Variants in MIPOL1 observed in about 807,000 individuals in gnomAD.
MIPOL1 encodes mirror-image polydactyly 1, also known as mirror-image polydactyly gene 1 protein.
A neutral mutation model predicts 60.9 loss-of-function variants in MIPOL1; 57 were observed. The observed-to-expected ratio is 0.94, with a 90% CI of 0.76 to 1.17. The LOEUF (loss-of-function observed/expected upper bound fraction) is 1.17, where lower values mean the gene tolerates loss of function less well. Ranked by LOEUF, MIPOL1 falls within the 50% of genes most tolerant of loss-of-function variation. MIPOL1 has a pLI of 0.00. For missense variants in MIPOL1, 551 were observed against 511.6 expected, an observed-to-expected ratio of 1.08 and a Z score of -0.74; for synonymous variants, 179 against 168.8, an observed-to-expected ratio of 1.06 and a Z score of -0.47.
chr14:37,271,039 A>G (rs753245400), intron 6 of MIPOL1, among the ~76,000 whole-genome samples: 18 of 152,236 alleles, frequency 1.2e-4, no homozygotes, highest in Non-Finnish European at 2.6e-4. Flanking sequence ...TTTCCCTGAG[A>G]TTAAAGTGAA....
chr14:37,285,345 A>C lies in MIPOL1; in HGVS notation c.521A>C (p.Gln174Pro). ...CTGGTTGAAGAAGTGTATTTTGCGC[A>C]GAAGGAACGTGATGAAGCTGTTATG... is the stretch of plus-strand genomic sequence containing the variant. ...AALVEEVYFA[Q>P]KERDEAVMSR... Residue 174 changes from glutamine (Q) to proline (P), a missense_variant, in exon 7 of 13, where the codon CAG becomes CCG. Transcript: ENST00000684589. 6.2e-7 allele frequency: 1 copy of C among 1,614,076 alleles called. No homozygotes were observed. Among genetic ancestry groups the C allele is most frequent in the Non-Finnish European group, 8.5e-7 (1 of 1,179,986 alleles).
chr14:37,542,197 C>G (rs919493183), intron 12 of MIPOL1, among the ~76,000 whole-genome samples: 9 of 152,334 alleles, frequency 5.9e-5, no homozygotes, highest in Admixed American at 5.9e-4. Context: ...TGATCACTCA[C>G]TTCTTGGAGT....
At chr14:37,198,901 G>T (rs571309794) in intron 1 of MIPOL1, among the ~76,000 whole-genome samples, 1 of 152,236 alleles carries the variant, frequency 6.6e-6, no homozygotes, top group African/African-American at 2.4e-5. Flanking sequence ...TTTTCCTTGT[G>T]ATCTGGTATG....
intron 9 of MIPOL1, among the ~76,000 whole-genome samples, chr14:37,344,807 A>G (rs2153465052): frequency 6.6e-6 from 1 of 152,250 alleles, no homozygotes; most frequent in South Asian, 2.1e-4. Flanking sequence ...AGGCAGGAAG[A>G]CTGCTTGAGG....
At chr14:37,294,469 A>T in intron 7 of MIPOL1, among the ~76,000 whole-genome samples, 1 of 152,186 alleles carries the variant, frequency 6.6e-6, no homozygotes, top group Non-Finnish European at 1.5e-5. Flanking sequence ...GAATGACTTG[A>T]CGAATTGAGA....
intron 11 of MIPOL1, among the ~76,000 whole-genome samples, chr14:37,476,895 C>CTTTTTTT (rs869027204): frequency 1.5e-4 from 13 of 87,338 alleles, no homozygotes; most frequent in Non-Finnish European, 2.1e-4. Flanking sequence ...CTTGTAATGT[C>CTTTTTTT]TTTTTTTTTT....
chr14:37,225,119 G>T (rs563649643), intron 1 of MIPOL1, among the ~76,000 whole-genome samples: 118 of 152,288 alleles, frequency 7.7e-4, no homozygotes, highest in African/African-American at 1.6e-3. Context: ...TTGTGTTCTT[G>T]CAGGGTACAG....
rs1353473105 is a variant in MIPOL1, at chr14:37,521,086, G to A, written c.1262+20948G>A. 2.6e-5 allele frequency among the ~76,000 whole-genome samples: 4 copies of A among 151,584 alleles called. No individual in the cohort carries two copies. The East Asian group carries it at 7.8e-4, about 29-fold the overall frequency. On this transcript the variant is annotated intron_variant, in intron 12 of 12. Transcript: ENST00000684589. ...AGAGTAGCTGGGATTACAGACACCA[G>A]CCACCACGCCTGGCTAATTTTTGTA... is the stretch of plus-strand genomic sequence containing the variant.
intron 9 of MIPOL1, among the ~76,000 whole-genome samples, chr14:37,359,953 G>T (rs891443218): frequency 6.6e-6 from 1 of 152,042 alleles, no homozygotes; most frequent in Non-Finnish European, 1.5e-5. Context: ...ATTGGCTGTG[G>T]GTTTGTCATA....
At chr14:37,342,657 A>G (rs1463259626) in intron 9 of MIPOL1, among the ~76,000 whole-genome samples, 3 of 151,956 alleles carry the variant, frequency 2.0e-5, no homozygotes, top group South Asian at 2.1e-4. Context: ...CAGCCTCCCA[A>G]AGTGCAGGGA....
Position 37,305,850 on chromosome 14 carries a change from C to A in MIPOL1, c.624-2206C>A, listed in dbSNP as rs371770128. ...AATAATAACAAAACAAGATTGAGAT[C>A]CAAATGCTAAGTGGCTGACTTAGCT... is the stretch of plus-strand genomic sequence containing the variant. On this transcript the variant is annotated intron_variant, in intron 7 of 12. Transcript: ENST00000684589. Among the ~76,000 whole-genome samples, 20 of 151,870 alleles carry A rather than the reference C, an allele frequency of 1.3e-4. No homozygotes were observed. The South Asian group carries it at 4.1e-3, about 31-fold the overall frequency.
intron 9 of MIPOL1, among the ~76,000 whole-genome samples, chr14:37,359,216 G>C (rs147947844): frequency 6.6e-6 from 1 of 152,046 alleles, no homozygotes; most frequent in Non-Finnish European, 1.5e-5. Context: ...TACCAGTACC[G>C]TGCTGTTTTG....
chr14:37,542,821 C>G (rs1419910784), intron 12 of MIPOL1, among the ~76,000 whole-genome samples: 1 of 152,156 alleles, frequency 6.6e-6, no homozygotes, highest in Non-Finnish European at 1.5e-5. Context: ...AATCAAAGCC[C>G]AGCACAATGC....
intron 3 of MIPOL1, among the ~76,000 whole-genome samples, chr14:37,261,225 TAGA>T (rs1367794180): frequency 3.3e-5 from 5 of 151,930 alleles, no homozygotes; most frequent in Admixed American, 3.3e-4. Flanking sequence ...TCTGATATTT[TAGA>T]AGAATTACAT....
intron 9 of MIPOL1, among the ~76,000 whole-genome samples, chr14:37,322,808 A>G (rs1264913878): frequency 6.6e-6 from 1 of 151,922 alleles, no homozygotes; most frequent in Non-Finnish European, 1.5e-5. Flanking sequence ...TCCTTTGCCC[A>G]CTTTTTGATG....
intron 11 of MIPOL1, among the ~76,000 whole-genome samples, chr14:37,436,965 A>T (rs897448902): frequency 6.6e-6 from 1 of 152,174 alleles, no homozygotes; most frequent in Non-Finnish European, 1.5e-5. Flanking sequence ...CATAATTCCA[A>T]AAACATTATT....
chr14:37,200,667 T>G (rs1392748969), intron 1 of MIPOL1, among the ~76,000 whole-genome samples: 1 of 148,984 alleles, frequency 6.7e-6, no homozygotes, highest in Non-Finnish European at 1.5e-5. Context: ...CCAGTTAGTT[T>G]TTTTTTTTTT....
intron 9 of MIPOL1, among the ~76,000 whole-genome samples, chr14:37,364,454 GT>G (rs367769370): frequency 1.9e-4 from 29 of 152,262 alleles, no homozygotes; most frequent in African/African-American, 7.0e-4. Flanking sequence ...TGGAAATCCA[GT>G]TTTCCCAGCA....
chr14:37,270,385 A>G (rs868727211), intron 5 of MIPOL1, 35 bp from the exon 6 acceptor site: 1 of 1,175,428 alleles, frequency 8.5e-7, no homozygotes. Context: ...ACATTTGTCA[A>G]ATAAGAATCC....
Sources: allele counts gnomAD v4.1 joint callset (sites outside exome capture counted in the v4.1 genomes callset), GRCh38; gene constraint gnomAD v4.1.1; transcripts MANE v1.5; gene names NCBI Gene and HGNC (gene_info 2026-07-23, HGNC 2026-07-21).